DCHS2: variants seen among roughly 807,000 people sequenced by gnomAD.
DCHS2 encodes the protein protocadherin-23.
A neutral mutation model predicts 182.4 loss-of-function variants in DCHS2; 142 were observed. The observed-to-expected ratio is 0.78, with a 90% CI of 0.68 to 0.89. The LOEUF (loss-of-function observed/expected upper bound fraction) is 0.89. Ranked by LOEUF, DCHS2 falls within the 40% of genes least tolerant of loss-of-function variation. The pLI is 0.00. For synonymous variants in DCHS2, 1,740 were observed against 1,663.3 expected (o/e 1.05, Z -1.12); for missense variants, 4,319 against 4,198.6 (o/e 1.03, Z -0.79).
chr4:154,316,617 C>A (rs1051162961), intron 9 of DCHS2, among the ~76,000 whole-genome samples: 3 of 151,910 alleles, frequency 2.0e-5, no homozygotes, highest in Non-Finnish European at 4.4e-5. Context: ...ACTCCATCTC[C>A]TCTAAAAACA....
At chr4:154,272,573 C>T (rs1733649246) in intron 13 of DCHS2, among the ~76,000 whole-genome samples, 1 of 151,998 alleles carries the variant, frequency 6.6e-6, no homozygotes, top group Admixed American at 6.6e-5. Context: ...GGCAGTTTTC[C>T]CTGCTCTTGC....
At chr4:154,326,811 G>A (rs957662434) in intron 7 of DCHS2, among the ~76,000 whole-genome samples, 1 of 152,050 alleles carries the variant, frequency 6.6e-6, no homozygotes, top group African/African-American at 2.4e-5. Flanking sequence ...TTAAGACTGG[G>A]TAAGGCCAAC....
At chr4:154,379,793 A>T (rs1276298905) in intron 1 of DCHS2, among the ~76,000 whole-genome samples, 1 of 152,170 alleles carries the variant, frequency 6.6e-6, no homozygotes, top group Non-Finnish European at 1.5e-5. Flanking sequence ...AACATGTTCA[A>T]CAAAGTTCTC....
chr4:154,297,508 A>G (rs1433049226), intron 13 of DCHS2, among the ~76,000 whole-genome samples: 1 of 152,224 alleles, frequency 6.6e-6, no homozygotes, highest in South Asian at 2.1e-4. Flanking sequence ...AATTCCAAAC[A>G]TAAGGGAACT....
At chr4:154,285,595 A>G (rs1039135409) in intron 13 of DCHS2, among the ~76,000 whole-genome samples, 1 of 152,248 alleles carries the variant, frequency 6.6e-6, no homozygotes, top group Non-Finnish European at 1.5e-5. Context: ...GTAGCCAGAC[A>G]GTATTCCTCA....
At chr4:154,253,100 TG>T (rs951148845) in intron 16 of DCHS2, among the ~76,000 whole-genome samples, 2 of 79,142 alleles carry the variant, frequency 2.5e-5, no homozygotes, top group South Asian at 1.1e-3. Context: ...TTGTGCGGGG[TG>T]GGGGGCGGGG....
chr4:154,486,773 A>G (rs1728602564), intron 1 of DCHS2, among the ~76,000 whole-genome samples: 1 of 152,218 alleles, frequency 6.6e-6, no homozygotes, highest in Admixed American at 6.5e-5. Context: ...CAGAAAGTTC[A>G]CATAGCTGCC....
At chr4:154,346,154 T>A (rs1729350581) in intron 3 of DCHS2, among the ~76,000 whole-genome samples, 1 of 152,180 alleles carries the variant, frequency 6.6e-6, no homozygotes, top group African/African-American at 2.4e-5. Context: ...CCTAATTCCA[T>A]CCCATTAGGG....
rs183170742 is a variant in DCHS2, at chr4:154,232,131, C to G, written c.*2405G>C. 6.8e-4 allele frequency: 104 copies of G among 152,196 alleles called. No individual in the cohort carries two copies. Among genetic ancestry groups the G allele is most frequent in the African/African-American group, 2.4e-3 (98 of 41,550 alleles). The allele number at this position is 152,196 out of a possible 1,614,324, so 9.4% of individuals were successfully genotyped here. ...CAAGTTCTGTACCCCCTCCAGAGTG[C>G]TAAAGCCAGTGCATAGATCAGCAAA... On this transcript the variant is annotated 3_prime_UTR_variant, in exon 20 of 20. Transcript: ENST00000357232.
At chr4:154,255,761 C>A in intron 15 of DCHS2, 91 bp from the exon 16 acceptor site, 6 of 1,426,586 alleles carry the variant, frequency 4.2e-6, no homozygotes, top group Non-Finnish European at 5.5e-6. Flanking sequence ...GAAAGAATCA[C>A]AGCTTGTCAA....
In DCHS2 at chr4:154,391,251, T is replaced by C. The variant is rs2110848515; in HGVS notation, c.2053-13807A>G. ...TTCAAACTGCTGAGTAAACATCTTCTTTTCTCCGTCTTCATTCTCTGATTT... is the reference window on the plus strand; with the variant it reads ...TTCAAACTGCTGAGTAAACATCTTCCTTTCTCCGTCTTCATTCTCTGATTT... On this transcript the variant is annotated intron_variant, in intron 1 of 19. Coordinates refer to ENST00000357232, the MANE Select transcript of DCHS2 (RefSeq NM_001358235.2). The C allele has an allele frequency of 4.3e-6, 7 of 1,611,858 alleles. No homozygotes were observed. In the East Asian group the frequency reaches 1.6e-4, roughly 36 times the overall value.
intron 1 of DCHS2, among the ~76,000 whole-genome samples, chr4:154,378,939 T>C (rs945413092): frequency 6.6e-6 from 1 of 152,164 alleles, no homozygotes; most frequent in African/African-American, 2.4e-5. Context: ...ATATGTTGTT[T>C]CTCACCATAA....
chr4:154,307,098 C>A (rs1007554668), intron 10 of DCHS2, among the ~76,000 whole-genome samples: 1 of 152,140 alleles, frequency 6.6e-6, no homozygotes, highest in Non-Finnish European at 1.5e-5. Flanking sequence ...AAACTTCATA[C>A]CCTTTACAAA....
chr4:154,472,168 T>G (rs1735499525), intron 1 of DCHS2, among the ~76,000 whole-genome samples: 1 of 152,232 alleles, frequency 6.6e-6, no homozygotes, highest in African/African-American at 2.4e-5. Context: ...GTCACACATA[T>G]GTAAATAATC....
chr4:154,457,844 AG>A (rs1433328171), intron 1 of DCHS2, among the ~76,000 whole-genome samples: 2 of 152,166 alleles, frequency 1.3e-5, no homozygotes, highest in Non-Finnish European at 2.9e-5. Flanking sequence ...ATTTTTAACG[AG>A]TTCTCTGGTG....
chr4:154,305,039 T>C (rs1735387493), intron 11 of DCHS2, 58 bp downstream of exon 11: 1 of 1,510,098 alleles, frequency 6.6e-7, no homozygotes, highest in Non-Finnish European at 8.8e-7. Flanking sequence ...ACTTAACAGG[T>C]TTTTTTTAAA....
At chr4:154,464,572 A>C (rs767389039) in intron 1 of DCHS2, among the ~76,000 whole-genome samples, 5 of 152,242 alleles carry the variant, frequency 3.3e-5, no homozygotes, top group Non-Finnish European at 7.3e-5. Flanking sequence ...AAAATTGGAC[A>C]AAATATTTAA....
At chr4:154,287,679 A>T (rs1734466166) in intron 13 of DCHS2, among the ~76,000 whole-genome samples, 1 of 152,122 alleles carries the variant, frequency 6.6e-6, no homozygotes, top group East Asian at 1.9e-4. Context: ...GATGGGTTTC[A>T]TCATGTTGGC....
intron 3 of DCHS2, among the ~76,000 whole-genome samples, chr4:154,365,866 T>C (rs925284268): frequency 1.3e-5 from 2 of 151,564 alleles, no homozygotes; most frequent in African/African-American, 4.9e-5. Flanking sequence ...GCCAGGCTAG[T>C]CTTGAACTCC....
Sources: gnomAD v4.1 joint callset for allele counts (sites outside exome capture counted in the v4.1 genomes callset) on GRCh38, gnomAD v4.1.1 for gene constraint, MANE v1.5 for transcripts, NCBI Gene and HGNC (gene_info 2026-07-23, HGNC 2026-07-21) for gene names.